The following CMPK1 variants were observed in gnomAD, a reference collection of about 807,000 sequenced individuals.
The protein encoded by CMPK1 is cytidine/uridine monophosphate kinase 1.
In CMPK1, 10 loss-of-function variants were observed where a neutral mutation model predicts 25.7. That is an observed-to-expected ratio of 0.39 (90% confidence interval 0.24 to 0.66). The LOEUF (loss-of-function observed/expected upper bound fraction) is 0.66, where lower values mean the gene tolerates loss of function less well. Among genes scored for constraint, CMPK1 ranks in the 30% least tolerant of loss-of-function variants. CMPK1 has a pLI of 0.48. For missense variants in CMPK1, 199 were observed against 280.5 expected (o/e 0.71, Z 2.08); for synonymous variants, 106 against 101.5 (o/e 1.04, Z -0.27).
chr1:47,346,211 G>A (rs983821723), intron 1 of CMPK1, among the ~76,000 whole-genome samples: 54 of 151,966 alleles, frequency 3.6e-4, no homozygotes, highest in Middle Eastern at 6.8e-3. Flanking sequence ...CACCACGCCC[G>A]GCTAATTTTT....
intron 1 of CMPK1, among the ~76,000 whole-genome samples, chr1:47,355,214 T>G (rs899623993): frequency 6.6e-6 from 1 of 152,016 alleles, no homozygotes; most frequent in Non-Finnish European, 1.5e-5. Context: ...GCCCAGCTAA[T>G]TTTTGTATTT....
intron 2 of CMPK1, among the ~76,000 whole-genome samples, chr1:47,370,988 C>T (rs908898821): frequency 7.6e-6 from 1 of 132,274 alleles, no homozygotes; most frequent in Non-Finnish European, 1.7e-5. Context: ...ATAAATGTCA[C>T]ATCTGAAAAA....
At chr1:47,369,864 A>AT (rs34739143) in intron 2 of CMPK1, among the ~76,000 whole-genome samples, 2,071 of 126,474 alleles carry the variant, frequency 0.016, 26 homozygotes, top group African/African-American at 0.037. Context: ...CCGGCCCCCA[A>AT]TTTTTTTTTT....
chr1:47,337,847 G>A (rs1289314138), intron 1 of CMPK1, among the ~76,000 whole-genome samples: 2 of 152,002 alleles, frequency 1.3e-5, no homozygotes, highest in African/African-American at 4.8e-5. Flanking sequence ...TCCTGACCTC[G>A]TGATCCACCC....
intron 1 of CMPK1, among the ~76,000 whole-genome samples, chr1:47,345,709 G>A (rs1646478860): frequency 6.7e-6 from 1 of 149,408 alleles, no homozygotes; most frequent in Non-Finnish European, 1.5e-5. Flanking sequence ...CCCCCACCTC[G>A]GCCTCCCAAA....
At chr1:47,370,252 T>C (rs1283021661) in intron 2 of CMPK1, among the ~76,000 whole-genome samples, 2 of 151,484 alleles carry the variant, frequency 1.3e-5, no homozygotes, top group Non-Finnish European at 2.9e-5. Context: ...CCTCTCATCA[T>C]TGATGTTCGC....
chr1:47,345,073 T>A (rs1646472937), intron 1 of CMPK1, among the ~76,000 whole-genome samples: 1 of 151,566 alleles, frequency 6.6e-6, no homozygotes, highest in Admixed American at 6.6e-5. Context: ...TGCACCACCA[T>A]GCCCGGCTAA....
intron 1 of CMPK1, among the ~76,000 whole-genome samples, chr1:47,349,208 CTGTTATTCAATGGCCATAGTA>C (rs1646505044): frequency 6.6e-6 from 1 of 152,176 alleles, no homozygotes; most frequent in African/African-American, 2.4e-5. Flanking sequence ...CCAGTAGATT[CTGTTATTCAATGGCCATAGTA>C]GCTTGAAGAC....
intron 1 of CMPK1, among the ~76,000 whole-genome samples, chr1:47,361,126 C>G (rs182662030): frequency 4.0e-4 from 61 of 152,252 alleles, no homozygotes; most frequent in Admixed American, 1.6e-3. Context: ...CGTGGTGGCT[C>G]ACACCTGTAA....
intron 2 of CMPK1, among the ~76,000 whole-genome samples, chr1:47,369,909 C>CTCT (rs1485648990): frequency 0.24 from 22,367 of 94,004 alleles, 3,150 homozygotes; most frequent in Non-Finnish European, 0.31. Context: ...CTTTCTCTCT[C>CTCT]TTTTTTTTTT....
chr1:47,335,561 C>T (rs1241683866), intron 1 of CMPK1, among the ~76,000 whole-genome samples: 1 of 148,732 alleles, frequency 6.7e-6, no homozygotes, highest in African/African-American at 2.5e-5. Flanking sequence ...CGCTTGAAAC[C>T]GGAAGGCGGA....
chr1:47,342,297 G>A (rs947709757), intron 1 of CMPK1, among the ~76,000 whole-genome samples: 1 of 151,828 alleles, frequency 6.6e-6, no homozygotes, highest in Non-Finnish European at 1.5e-5. Flanking sequence ...GGCCAGGCTG[G>A]TCTTGAATTC....
chr1:47,364,670 T>A (rs1646626812), intron 1 of CMPK1, among the ~76,000 whole-genome samples: 1 of 148,254 alleles, frequency 6.7e-6, no homozygotes, highest in African/African-American at 2.4e-5. Context: ...ATATTACATA[T>A]AAATTTTATA....
rs922512041 is a variant in CMPK1, at chr1:47,371,488, TGTA to T, written c.319-1463_319-1461del. On this transcript the variant is annotated intron_variant, in intron 2 of 5. Coordinates refer to ENST00000371873, the MANE Select transcript of CMPK1 (RefSeq NM_016308.3). ...ATAATACTTTTGTCATTATTTTTCT[TGTA>T]GTATTTAACTTTAATCAGTCTGTTT... Among the ~76,000 whole-genome samples the T allele has an allele frequency of 6.5e-4, 99 of 152,366 alleles. 1 individual carries two copies. Among genetic ancestry groups the T allele is most frequent in the East Asian group, 1.5e-3 (8 of 5,194 alleles).
At chr1:47,359,233 C>T (rs1018394867) in intron 1 of CMPK1, among the ~76,000 whole-genome samples, 2 of 151,570 alleles carry the variant, frequency 1.3e-5, no homozygotes, top group South Asian at 2.1e-4. Flanking sequence ...AGGAGAATGG[C>T]GTGAACCTGG....
intron 1 of CMPK1, among the ~76,000 whole-genome samples, chr1:47,359,386 C>CTTTTTTTTTTTTTTTTTTTTTTTTT: frequency 9.7e-6 from 1 of 102,758 alleles, no homozygotes; most frequent in Non-Finnish European, 1.8e-5. Context: ...AACCTTTTTT[C>CTTTTTTTTTTTTTTTTTTTTTTTTT]TTTTTTTTTT....
chr1:47,350,746 G>T (rs182648016), intron 1 of CMPK1, among the ~76,000 whole-genome samples: 1 of 151,658 alleles, frequency 6.6e-6, no homozygotes, highest in Non-Finnish European at 1.5e-5. Context: ...TGCAAAAAAA[G>T]AAAAGAAAAA....
chr1:47,369,366 A>G (rs1646660958), intron 2 of CMPK1, among the ~76,000 whole-genome samples: 1 of 152,114 alleles, frequency 6.6e-6, no homozygotes, highest in African/African-American at 2.4e-5. Context: ...AGAACTGGAA[A>G]CTTTGCTTTC....
In CMPK1 at chr1:47,359,391, T is replaced by TTC. The variant is rs1553189275; in HGVS notation, c.172-9077_172-9076insCT. Among the ~76,000 whole-genome samples, 3 of 126,122 alleles carry TTC rather than the reference T, an allele frequency of 2.4e-5. 1 individual carries two copies. Among genetic ancestry groups the TTC allele is most frequent in the African/African-American group, 9.2e-5 (2 of 21,754 alleles). 82.7% of individuals were successfully genotyped at this position (126,122 alleles called of 152,430 possible). ...GTTGTTAAGAAACCTTTTTTCTTTT[T>TTC]TTTTTTTTTTTTTTGAGATAAAGTC... On this transcript the variant is annotated intron_variant, in intron 1 of 5. Coordinates refer to ENST00000371873, the MANE Select transcript of CMPK1 (RefSeq NM_016308.3).
Sources: gnomAD v4.1 joint callset for allele counts (sites outside exome capture counted in the v4.1 genomes callset) on GRCh38, gnomAD v4.1.1 for gene constraint, MANE v1.5 for transcripts, NCBI Gene and HGNC (gene_info 2026-07-23, HGNC 2026-07-21) for gene names.